The following C12orf57 variants were observed in gnomAD, a reference collection of about 807,000 sequenced individuals.
The protein encoded by C12orf57 is chromosome 12 open reading frame 57.
Under a neutral mutation model 11.3 loss-of-function variants are expected in C12orf57, and 14 were observed. That is an observed-to-expected ratio of 1.24 (90% CI 0.82 to 1.94). The LOEUF is 1.94. C12orf57 is among the 30% of genes most tolerant of loss of function. C12orf57 has a pLI of 0.00. For synonymous variants in C12orf57, 100 were observed against 74.6 expected, an observed-to-expected ratio of 1.34 and a Z score of -1.76; for missense variants, 229 against 172.4, an observed-to-expected ratio of 1.33 and a Z score of -1.84.
chr12:6,943,738 G>GA (rs369359232), upstream of C12orf57: 4,601 of 1,226,588 alleles, frequency 3.8e-3, 97 homozygotes, highest in African/African-American at 0.05. Context: ...ATAGGAACAA[G>GA]AAAAAAGTCA....
At chr12:6,945,736 T>C in intron 2 of C12orf57, 35 bp from the exon 3 acceptor site, 1 of 1,609,802 alleles carries the variant, frequency 6.2e-7, no homozygotes. Flanking sequence ...CGCTGGTCCT[T>C]AGGAGAAGGG....
chr12:6,945,324 G>A (rs1159336899), intron 2 of C12orf57, among the ~76,000 whole-genome samples: 1 of 152,230 alleles, frequency 6.6e-6, no homozygotes, highest in Non-Finnish European at 1.5e-5. Context: ...CATGACAGCA[G>A]TGGCTGCAGT....
rs782005426 is a variant in C12orf57, at chr12:6,944,100, A to G, written c.-22A>G. ...GTGAGTTTTCCATTTACCTCCGCTG[A>G]ACCTAGAGCTTCAGACGCCCTATGG... On this transcript the variant is annotated 5_prime_UTR_variant, in exon 1 of 3. Transcript: ENST00000229281. 1.9e-6 allele frequency: 3 copies of G among 1,614,080 alleles called. No individual in the cohort carries two copies. The highest frequency in any genetic ancestry group is 1.3e-5 in the African/African-American group (1 of 74,940).
At chr12:6,943,946 C>G (rs371218327), upstream of C12orf57, 218 of 1,461,684 alleles carry the variant, frequency 1.5e-4, no homozygotes, top group South Asian at 5.0e-4. Flanking sequence ...TTTTGGTGGT[C>G]TTGATGCAGT....
rs782684828 is a variant in C12orf57, at chr12:6,944,325, C to T, written c.53-151C>T. 35 of 1,570,644 alleles carry T rather than the reference C, an allele frequency of 2.2e-5. No individual in the cohort carries two copies. In the African/African-American group the frequency reaches 2.8e-4, roughly 13 times the overall value. On this transcript the variant is annotated intron_variant, in intron 1 of 2. Transcript: ENST00000229281. ...GGGGTAGGGGACGCCGGGTACCGTC[C>T]TTCTAAGTGGGGCGCTTGCCCCCAA...
intron 1 of C12orf57, 146 bp from the exon 2 acceptor site, chr12:6,944,330 A>C: frequency 6.4e-7 from 1 of 1,564,748 alleles, no homozygotes. Flanking sequence ...CCGTCCTTCT[A>C]AGTGGGGCGC....
chr12:6,945,675 T>C (rs991717354), intron 2 of C12orf57, 96 bp from the exon 3 acceptor site: 2 of 1,331,330 alleles, frequency 1.5e-6, no homozygotes, highest in African/African-American at 1.5e-5. Context: ...GCCCAGCCAG[T>C]GGGGGAGCAG....
Position 6,944,072 on chromosome 12 carries a change from T to A in C12orf57, c.-50T>A. On this transcript the variant is annotated 5_prime_UTR_variant, in exon 1 of 3. Transcript: ENST00000229281. ...AACGGTTGTAGGACGTGGCTCTTTA[T>A]TCGTGAGTTTTCCATTTACCTCCGC... The A allele has an allele frequency of 1.9e-6, 3 of 1,613,828 alleles. No individual in the cohort carries two copies. The highest frequency in any genetic ancestry group is 2.5e-6 in the Non-Finnish European group (3 of 1,179,960).
Position 6,944,121 on chromosome 12 carries a change from T to C in C12orf57, c.-1T>C, listed in dbSNP as rs782230015. The C allele has an allele frequency of 9.9e-6, 16 of 1,614,126 alleles. No individual in the cohort carries two copies. Among genetic ancestry groups the C allele is most frequent in the Admixed American group, 1.7e-5 (1 of 60,012 alleles). On this transcript the variant is annotated 5_prime_UTR_variant, in exon 1 of 3. Coordinates refer to ENST00000229281, the MANE Select transcript of C12orf57 (RefSeq NM_138425.4). ...GCTGAACCTAGAGCTTCAGACGCCC[T>C]ATGGCGTCCGCCTCGACCCAACCGG...
At position 6,944,081 on chromosome 12, in the gene C12orf57, T is replaced by C; in HGVS notation, c.-41T>C. On this transcript the variant is annotated 5_prime_UTR_variant, in exon 1 of 3. Transcript: ENST00000229281. ...AGGACGTGGCTCTTTATTCGTGAGT[T>C]TTCCATTTACCTCCGCTGAACCTAG... 1 of 1,613,998 alleles carries C rather than the reference T, an allele frequency of 6.2e-7. No homozygotes were observed. The highest frequency in any genetic ancestry group is 8.5e-7 in the Non-Finnish European group (1 of 1,179,972).
chr12:6,943,855 CTGGCTTTT>C (rs2061700895), upstream of C12orf57: 9 of 933,152 alleles, frequency 9.6e-6, no homozygotes, highest in South Asian at 3.5e-5. Context: ...AGTAGGCTTT[CTGGCTTTT>C]TACCGGAAAG....
chr12:6,944,278 T>G, intron 1 of C12orf57, 105 bp downstream of exon 1: 2 of 1,601,890 alleles, frequency 1.2e-6, no homozygotes, highest in South Asian at 1.1e-5. Context: ...GCGACAAACC[T>G]GGCTACGTCC....
At position 6,944,578 on chromosome 12, in the gene C12orf57, A is replaced by G; in HGVS notation, c.155A>G (p.Gln52Arg). Residue 52 changes from glutamine to arginine, a missense_variant, in exon 2 of 3, where the codon CAA (glutamine) becomes CGA (arginine). Physicochemically the swap from Gln to Arg is conservative, Grantham distance 43. Transcript: ENST00000229281. Reference protein sequence around the residue: ...NACNDMGKMLQFVLPVATQIQ... With the variant: ...NACNDMGKMLRFVLPVATQIQ... ...TGCAACGACATGGGTAAGATGCTGC[A>G]ATTCGTGCTGCCCGTGGCCACGCAG... 1 of 1,614,136 alleles carries G rather than the reference A, an allele frequency of 6.2e-7. No individual in the cohort carries two copies. The highest frequency in any genetic ancestry group is 8.5e-7 in the Non-Finnish European group (1 of 1,180,044).
At chr12:6,943,903 A>T (rs367709050), upstream of C12orf57, 5 of 1,129,760 alleles carry the variant, frequency 4.4e-6, no homozygotes, top group Admixed American at 8.7e-5. Flanking sequence ...TGCCAATGAT[A>T]GATTGTTTTC....
upstream of C12orf57, chr12:6,943,507 C>T: frequency 7.8e-7 from 1 of 1,274,676 alleles, no homozygotes. Flanking sequence ...ACTGCGACAA[C>T]GGCTTTTGCT....
At chr12:6,943,931 GGTAGTTTTGGTGGTCTTGAT>G, upstream of C12orf57, 1 of 1,340,670 alleles carries the variant, frequency 7.5e-7, no homozygotes, top group Non-Finnish European at 1.0e-6. Flanking sequence ...AAAAATTATG[GGTAGTTTTGGTGGTCTTGAT>G]GCAGTTGTAA....
chr12:6,945,159 A>T, intron 2 of C12orf57: 1 of 205,018 alleles, frequency 4.9e-6, no homozygotes, highest in Non-Finnish European at 9.9e-6. Flanking sequence ...TCATAATTTC[A>T]GATTTTGGAT....
At position 6,944,106 on chromosome 12, in the gene C12orf57, G is replaced by C. The variant is rs201491920; in HGVS notation, c.-16G>C. On this transcript the variant is annotated 5_prime_UTR_variant, in exon 1 of 3. Coordinates refer to ENST00000229281, the MANE Select transcript of C12orf57 (RefSeq NM_138425.4). ...TTTCCATTTACCTCCGCTGAACCTA[G>C]AGCTTCAGACGCCCTATGGCGTCCG... is the stretch of plus-strand genomic sequence containing the variant. 6.8e-6 allele frequency: 11 copies of C among 1,614,222 alleles called. No homozygotes were observed. The highest frequency in any genetic ancestry group is 6.7e-5 in the East Asian group (3 of 44,884).
In C12orf57 at chr12:6,944,065, C is replaced by A. The variant is rs972287855; in HGVS notation, c.-57C>A. 1.2e-5 allele frequency: 20 copies of A among 1,613,186 alleles called. No individual in the cohort carries two copies. The highest frequency in any genetic ancestry group is 1.7e-5 in the Non-Finnish European group (20 of 1,179,788). ...CGTTGGGAACGGTTGTAGGACGTGG[C>A]TCTTTATTCGTGAGTTTTCCATTTA... is the stretch of plus-strand genomic sequence containing the variant. On this transcript the variant is annotated 5_prime_UTR_variant, in exon 1 of 3. Transcript: ENST00000229281.
Sources: allele counts gnomAD v4.1 joint callset (sites outside exome capture counted in the v4.1 genomes callset), GRCh38; gene constraint gnomAD v4.1.1; transcripts MANE v1.5; gene names NCBI Gene and HGNC (gene_info 2026-07-23, HGNC 2026-07-21).